SLC17A5: variants seen among roughly 807,000 people sequenced by gnomAD.
SLC17A5 encodes sialin.
A neutral mutation model predicts 59.4 loss-of-function variants in SLC17A5; 47 were observed. The ratio of observed to expected loss-of-function variants is 0.79; its 90% CI spans 0.63 to 1.01. SLC17A5 has a LOEUF of 1.01. SLC17A5 is among the 50% of genes least tolerant of loss of function. The pLI, the probability that SLC17A5 is intolerant of heterozygous loss-of-function variation, is 0.00. For synonymous variants in SLC17A5, 202 were observed against 210.7 expected, an observed-to-expected ratio of 0.96 and a Z score of 0.36; for missense variants, 522 against 595.5, an observed-to-expected ratio of 0.88 and a Z score of 1.28.
intron 3 of SLC17A5, among the ~76,000 whole-genome samples, chr6:73,640,560 T>C (rs1429965866): frequency 6.6e-6 from 1 of 152,202 alleles, no homozygotes; most frequent in Non-Finnish European, 1.5e-5. Context: ...CCAGTGTTCA[T>C]TCCAACAGCA....
intron 7 of SLC17A5, among the ~76,000 whole-genome samples, chr6:73,618,080 T>A (rs958721465): frequency 4.0e-5 from 6 of 151,198 alleles, no homozygotes; most frequent in African/African-American, 1.5e-4. Flanking sequence ...AATAAAAAAT[T>A]TAGCCAGGTG....
intron 7 of SLC17A5, among the ~76,000 whole-genome samples, chr6:73,617,716 T>C (rs1767934157): frequency 2.0e-5 from 3 of 152,080 alleles, no homozygotes; most frequent in Non-Finnish European, 2.9e-5. Flanking sequence ...GGTGGATGCC[T>C]GTAATCCCAG....
chr6:73,641,476 G>C (rs774669582), intron 3 of SLC17A5, among the ~76,000 whole-genome samples: 2 of 152,112 alleles, frequency 1.3e-5, no homozygotes, highest in Non-Finnish European at 2.9e-5. Flanking sequence ...TTTGAGTAAA[G>C]GTTCCAATTT....
At chr6:73,612,314 C>G (rs185695978) in intron 8 of SLC17A5, among the ~76,000 whole-genome samples, 263 of 152,210 alleles carry the variant, frequency 1.7e-3, no homozygotes, top group African/African-American at 6.1e-3. Context: ...CACACACCAC[C>G]ACGCCAAGCT....
chr6:73,599,746 A>G (rs752989692), intron 10 of SLC17A5, among the ~76,000 whole-genome samples: 6 of 152,214 alleles, frequency 3.9e-5, no homozygotes, highest in Non-Finnish European at 7.3e-5. Flanking sequence ...TCTGTCGGAT[A>G]TATGTCTGAA....
intron 6 of SLC17A5, among the ~76,000 whole-genome samples, chr6:73,631,179 A>G (rs1768691278): frequency 6.6e-6 from 1 of 151,534 alleles, no homozygotes; most frequent in South Asian, 2.1e-4. Context: ...TGCTGGAGCA[A>G]GACAAAAATA....
chr6:73,646,247 AATACAAAAGTCTTG>A (rs906467340), intron 1 of SLC17A5, among the ~76,000 whole-genome samples: 1 of 152,222 alleles, frequency 6.6e-6, no homozygotes, highest in African/African-American at 2.4e-5. Flanking sequence ...TATTTTACAG[AATACAAAAGTCTTG>A]ATACTGGCTC....
At chr6:73,600,313 C>A (rs1236740637) in intron 10 of SLC17A5, 38 bp downstream of exon 10, 10 of 1,475,386 alleles carry the variant, frequency 6.8e-6, no homozygotes, top group Non-Finnish European at 9.5e-6. Flanking sequence ...TGTGCAGCTC[C>A]AAAACCTTTC....
In SLC17A5 at chr6:73,653,879, G is replaced by A. The variant is rs1458468032; in HGVS notation, c.8C>T (p.Ser3Phe). 1.9e-6 allele frequency: 3 copies of A among 1,606,132 alleles called. No individual in the cohort carries two copies. The highest frequency in any genetic ancestry group is 1.7e-4 in the Middle Eastern group (1 of 6,046). The change falls in exon 1 of 11, where the codon TCT (serine) becomes TTT (phenylalanine). Residue 3 changes from serine (S) to phenylalanine (F), a missense_variant. By Grantham distance (155) the Ser-to-Phe change is radical. Around this residue, in one of 3 missense-constraint regions of SLC17A5, gnomAD observed 338 missense variants for 363.8 expected, o/e 0.93. Coordinates refer to ENST00000355773, the MANE Select transcript of SLC17A5 (RefSeq NM_012434.5). MR[S>F]PVRDLARNDG... ...GTTCCGGGCCAGGTCTCGAACCGGA[G>A]ACCTCATGACGCCTACGTGAGCAGG...
chr6:73,609,211 G>T (rs772764979), intron 9 of SLC17A5, among the ~76,000 whole-genome samples: 18 of 152,096 alleles, frequency 1.2e-4, no homozygotes, highest in Non-Finnish European at 1.6e-4. Context: ...TATTTACATA[G>T]CTCCCTTATT....
At chr6:73,646,560 A>G (rs544078066) in intron 1 of SLC17A5, among the ~76,000 whole-genome samples, 1 of 152,288 alleles carries the variant, frequency 6.6e-6, no homozygotes, top group African/African-American at 2.4e-5. Context: ...CATTGTCTCT[A>G]TTACTAGAAT....
chr6:73,621,689 G>T, intron 7 of SLC17A5, 115 bp downstream of exon 7: 2 of 836,080 alleles, frequency 2.4e-6, no homozygotes, highest in Non-Finnish European at 3.8e-6. Context: ...CTAAAATTTA[G>T]GACAGCAGAG....
intron 9 of SLC17A5, among the ~76,000 whole-genome samples, chr6:73,601,446 G>A (rs1251618153): frequency 3.7e-4 from 51 of 137,882 alleles, no homozygotes; most frequent in African/African-American, 1.2e-3. Flanking sequence ...CAGCCGCCCC[G>A]TCCGGGAGGG....
rs1336030209 is a variant in SLC17A5, at chr6:73,641,719, A to G, written c.497T>C (p.Val166Ala). The change falls in exon 3 of 11, where the codon GTA becomes GCA. Residue 166 changes from valine (V) to alanine (A), a missense_variant. Physicochemically the swap from Val to Ala is moderately conservative, Grantham distance 64. Around this residue, in one of 3 missense-constraint regions of SLC17A5, gnomAD observed 338 missense variants for 363.8 expected, o/e 0.93. Coordinates refer to ENST00000355773, the MANE Select transcript of SLC17A5 (RefSeq NM_012434.5). The stretch of plus-strand genomic sequence containing the variant: ...TCCTAGTCCTTCTAGTGCTCTGAGT[A>G]CAATGAGTGGTCCAACTCCTAAATC... Reference protein sequence around the residue: ...AADLGVGPLIVLRALEGLGEG... With the variant: ...AADLGVGPLIALRALEGLGEG... 1 of 1,614,028 alleles carries G rather than the reference A, an allele frequency of 6.2e-7. No homozygotes were observed. The highest frequency in any genetic ancestry group is 1.6e-4 in the Middle Eastern group (1 of 6,062).
At chr6:73,629,735 A>G (rs1768606536) in intron 6 of SLC17A5, among the ~76,000 whole-genome samples, 1 of 151,854 alleles carries the variant, frequency 6.6e-6, no homozygotes, top group Non-Finnish European at 1.5e-5. Flanking sequence ...GGATCGCACC[A>G]TTGCACTCCA....
rs1323413417 is a variant in SLC17A5, at chr6:73,650,207, A to G, written c.94+3586T>C. 1.6e-3 allele frequency among the ~76,000 whole-genome samples: 105 copies of G among 67,526 alleles called. 2 individuals are homozygous for G. Among genetic ancestry groups the G allele is most frequent in the South Asian group, 9.5e-3 (13 of 1,372 alleles). 44.3% of individuals were successfully genotyped at this position (67,526 alleles called of 152,430 possible). A position where few individuals can be genotyped will look rare whatever the true frequency, so the allele number is the denominator to read the frequency against. On this transcript the variant is annotated intron_variant, in intron 1 of 10. Coordinates refer to ENST00000355773, the MANE Select transcript of SLC17A5 (RefSeq NM_012434.5). ...GAGACCTTTTTTCTACAAAAAAAAAAAAAAAAAAGAAAGAAAAAAAGGCCG... is the reference window on the plus strand; with the variant it reads ...GAGACCTTTTTTCTACAAAAAAAAAGAAAAAAAAGAAAGAAAAAAAGGCCG...
chr6:73,618,970 G>A (rs1581969221), intron 7 of SLC17A5, among the ~76,000 whole-genome samples: 1 of 152,038 alleles, frequency 6.6e-6, no homozygotes, highest in South Asian at 2.1e-4. Flanking sequence ...CAGGCAATCC[G>A]CCCGCCTCGG....
intron 10 of SLC17A5, among the ~76,000 whole-genome samples, chr6:73,598,615 G>C (rs1280548267): frequency 6.6e-6 from 1 of 152,090 alleles, no homozygotes; most frequent in Non-Finnish European, 1.5e-5. Flanking sequence ...TGGGGGACGA[G>C]TGAGACTTCA....
Position 73,594,812 on chromosome 6 carries a change from A to G in SLC17A5, c.*265T>C, listed in dbSNP as rs530115486. ...TTTAGTATGGCCCTAAAAAATCAAC[A>G]GAACTGTCCTACTTCATGTTGCCCG... On this transcript the variant is annotated 3_prime_UTR_variant, in exon 11 of 11. Transcript: ENST00000355773. The G allele has an allele frequency of 6.5e-6, 3 of 461,580 alleles. No homozygotes were observed. The highest frequency in any genetic ancestry group is 8.6e-5 in the East Asian group (2 of 23,378). 28.6% of individuals were successfully genotyped at this position (461,580 alleles called of 1,614,324 possible).
Sources: allele counts gnomAD v4.1 joint callset (sites outside exome capture counted in the v4.1 genomes callset), GRCh38; gene constraint gnomAD v4.1.1; regional missense constraint gnomAD v4.1.1; transcripts MANE v1.5; gene names NCBI Gene and HGNC (gene_info 2026-07-23, HGNC 2026-07-21).